Variants in CORO7 observed in about 807,000 individuals in gnomAD.
The protein encoded by CORO7 is coronin 7.
A neutral mutation model predicts 126.6 loss-of-function variants in CORO7; 107 were observed. That is an observed-to-expected ratio of 0.85 (90% CI 0.72 to 0.99). The LOEUF (loss-of-function observed/expected upper bound fraction) is 0.99, where lower values mean the gene tolerates loss of function less well. CORO7 is among the 50% of genes least tolerant of loss of function. CORO7 has a pLI of 0.00. For missense variants in CORO7, 1,314 were observed against 1,255.8 expected, an observed-to-expected ratio of 1.05 and a Z score of -0.70; for synonymous variants, 603 against 536.8, an observed-to-expected ratio of 1.12 and a Z score of -1.70.
rs568943733 is a variant in CORO7, at chr16:4,405,392, C to T, written c.564+99G>A. 12 of 1,372,106 alleles carry T rather than the reference C, an allele frequency of 8.7e-6. No individual in the cohort carries two copies. In the African/African-American group the frequency reaches 1.4e-4, roughly 17 times the overall value. 85.0% of individuals were successfully genotyped at this position (1,372,106 alleles called of 1,614,324 possible). A position where few individuals can be genotyped will look rare whatever the true frequency, so the allele number is the denominator to read the frequency against. ...TGACCATCCTGACCTCAGTGCTCCA[C>T]TGCCTCCTAAACAACAAGCCTGGAA... On this transcript the variant is annotated intron_variant, in intron 6 of 27. Transcript: ENST00000251166.
intron 9 of CORO7, among the ~76,000 whole-genome samples, chr16:4,374,130 C>T (rs985005749): frequency 3.1e-5 from 4 of 127,920 alleles, no homozygotes; most frequent in Non-Finnish European, 6.3e-5. Context: ...GCCCAGTGGG[C>T]GTGTGTCTGG....
intron 3 of CORO7, among the ~76,000 whole-genome samples, chr16:4,410,518 G>A (rs761400300): frequency 1.3e-5 from 2 of 152,202 alleles, no homozygotes; most frequent in Non-Finnish European, 2.9e-5. Context: ...CCTTGCAGGA[G>A]TCTCAGTTTT....
chr16:4,359,311 C>T lies in CORO7; in HGVS notation c.2325G>A (p.Ser775=), dbSNP rs775316162. ...PFFLECNSFT[S]PDPHKGLVLL... is the part of the protein sequence containing the mutation. ...GTGGCCTCACCTTGTGGGGGTCAGG[C>T]GACGTGAAGCTGTTGCACTCCAGGA... The change falls in exon 23 of 28, where the codon TCG becomes TCA. Residue 775 remains serine (S), a synonymous_variant. Coordinates refer to ENST00000251166, the MANE Select transcript of CORO7 (RefSeq NM_024535.5). 78 of 1,607,996 alleles carry T rather than the reference C, an allele frequency of 4.9e-5. No homozygotes were observed. The highest frequency in any genetic ancestry group is 3.8e-4 in the South Asian group (34 of 89,834).
At chr16:4,378,988 T>C (rs2054855564) in intron 9 of CORO7, among the ~76,000 whole-genome samples, 1 of 152,026 alleles carries the variant, frequency 6.6e-6, no homozygotes, top group Non-Finnish European at 1.5e-5. Flanking sequence ...GCTTCTTCCT[T>C]CACCTCGAGC....
At chr16:4,396,994 C>T (rs1330945194) in intron 6 of CORO7, among the ~76,000 whole-genome samples, 7 of 116,708 alleles carry the variant, frequency 6.0e-5, no homozygotes, top group African/African-American at 2.1e-4. Flanking sequence ...CCAGCCTGGG[C>T]AACAGAGTGA....
intron 9 of CORO7, among the ~76,000 whole-genome samples, chr16:4,378,201 A>G (rs1245015295): frequency 6.6e-6 from 1 of 152,178 alleles, no homozygotes; most frequent in Non-Finnish European, 1.5e-5. Flanking sequence ...ACTCAGATGA[A>G]GAAACCGAGG....
rs750054519 is a variant in CORO7 at position 4,358,000 on chromosome 16, A to C, written c.2561T>G (p.Leu854Arg). 1.2e-6 allele frequency: 2 copies of C among 1,611,354 alleles called. No individual in the cohort carries two copies. Among genetic ancestry groups the C allele is most frequent in the African/African-American group, 2.7e-5 (2 of 74,898 alleles). Residue 854 changes from leucine (L) to arginine (R), a missense_variant, in exon 25 of 28, where the codon CTT becomes CGT. Leu to Arg is a moderately radical substitution (Grantham distance 102). Coordinates refer to ENST00000251166, the MANE Select transcript of CORO7 (RefSeq NM_024535.5). ...WLQGANGQPW[L>R]LSLQPPDMSP... ...CATGTCAGGAGGCTGCAGGCTGAGA[A>C]GCCAGGGCTGCCCATTAGCGCCTTG...
chr16:4,388,636 A>G lies in CORO7; in HGVS notation c.616-5T>C. ...GTTCTCATGGGCCTGCGTGCTCTGC[A>G]GGAGGCAAGAGGTGGACCTGAGCCC... On this transcript the variant is annotated splice_polypyrimidine_tract_variant and splice_region_variant and intron_variant, in intron 7 of 27. Coordinates refer to ENST00000251166, the MANE Select transcript of CORO7 (RefSeq NM_024535.5). 6.2e-7 allele frequency: 1 copy of G among 1,609,088 alleles called. No homozygotes were observed. Among genetic ancestry groups the G allele is most frequent in the South Asian group, 1.1e-5 (1 of 90,080 alleles).
chr16:4,363,449 G>GGC (rs2054248798), intron 14 of CORO7, among the ~76,000 whole-genome samples: 1 of 152,066 alleles, frequency 6.6e-6, no homozygotes, highest in Non-Finnish European at 1.5e-5. Flanking sequence ...GTGCGCGCCT[G>GGC]TAATCCCAGC....
chr16:4,386,551 G>A lies in CORO7; in HGVS notation c.785+1435C>T, dbSNP rs146524852. Among the ~76,000 whole-genome samples, 1,179 of 152,298 alleles carry A rather than the reference G, an allele frequency of 7.7e-3. 27 individuals are homozygous for A. The highest frequency in any genetic ancestry group is 0.047 in the East Asian group (245 of 5,182). ...GGGGACATGGGGCCAGATCCTAGAC[G>A]TGGAGTCTGAAGGCCCGGGAGCTCC... On this transcript the variant is annotated intron_variant, in intron 9 of 27. Transcript: ENST00000251166.
chr16:4,377,047 C>T (rs2054758474), intron 9 of CORO7, among the ~76,000 whole-genome samples: 1 of 152,174 alleles, frequency 6.6e-6, no homozygotes, highest in South Asian at 2.1e-4. Flanking sequence ...CCACGAGCAG[C>T]GCCCACTGCA....
chr16:4,382,872 A>G, intron 9 of CORO7: 1 of 1,555,132 alleles, frequency 6.4e-7, no homozygotes, highest in Non-Finnish European at 8.7e-7. Flanking sequence ...GCCTCCAGTC[A>G]CCCCTCCACG....
intron 9 of CORO7, among the ~76,000 whole-genome samples, chr16:4,380,125 G>A (rs2054900329): frequency 6.6e-6 from 1 of 151,090 alleles, no homozygotes; most frequent in Admixed American, 6.6e-5. Context: ...CTGCCCCTGG[G>A]GCTGCCATGT....
chr16:4,361,553 T>G (rs2054181184), intron 16 of CORO7, 84 bp from the exon 17 acceptor site: 1 of 1,480,596 alleles, frequency 6.8e-7, no homozygotes, highest in African/African-American at 1.4e-5. Flanking sequence ...GCAGCATGTC[T>G]GGGAGCCCAC....
In CORO7 at chr16:4,416,491, G is replaced by A. The variant is rs764939128; in HGVS notation, c.28C>T (p.Arg10Trp). The A allele has an allele frequency of 9.5e-6, 15 of 1,579,578 alleles. No homozygotes were observed. In the Admixed American group the frequency reaches 2.3e-4, roughly 24 times the overall value. Reference protein sequence around the residue: MNRFRVSKFRHTEARPPRRE... With the variant: MNRFRVSKFWHTEARPPRRE... The stretch of plus-strand genomic sequence containing the variant: ...CGGGGCGGCCGAGCCTCGGTGTGCC[G>A]GAACTTGGACACCCTGAAGCGGTTC... The change falls in exon 1 of 28, where the codon CGG becomes TGG. Residue 10 changes from arginine (R) to tryptophan (W), a missense_variant. Coordinates refer to ENST00000251166, the MANE Select transcript of CORO7 (RefSeq NM_024535.5).
intron 9 of CORO7, 65 bp downstream of exon 9, chr16:4,387,921 G>A: frequency 1.3e-6 from 2 of 1,591,494 alleles, no homozygotes; most frequent in Non-Finnish European, 1.7e-6. Context: ...GCCGGATCAG[G>A]TGCCCTCACC....
intron 9 of CORO7, among the ~76,000 whole-genome samples, chr16:4,376,359 C>A (rs1216612914): frequency 6.6e-6 from 1 of 152,216 alleles, no homozygotes; most frequent in African/African-American, 2.4e-5. Flanking sequence ...GCTGCCAGGC[C>A]TGACCGGCCA....
chr16:4,387,978 G>A lies in CORO7; in HGVS notation c.785+8C>T, dbSNP rs1325266678. 2 of 1,612,688 alleles carry A rather than the reference G, an allele frequency of 1.2e-6. No individual in the cohort carries two copies. The highest frequency in any genetic ancestry group is 2.7e-5 in the African/African-American group (2 of 74,942). On this transcript the variant is annotated splice_region_variant and intron_variant, in intron 9 of 27. Coordinates refer to ENST00000251166, the MANE Select transcript of CORO7 (RefSeq NM_024535.5). ...CCCCCCAGCCCACCTGCGTGCCGCA[G>A]CTCCTACCCAAGCGAGGTGTCCAAG...
chr16:4,396,321 C>T (rs190555293), intron 6 of CORO7, among the ~76,000 whole-genome samples: 9 of 152,270 alleles, frequency 5.9e-5, no homozygotes, highest in Admixed American at 3.3e-4. Context: ...TCAGGTGATC[C>T]GCCCGCCTCG....
Sources: allele counts gnomAD v4.1 joint callset (sites outside exome capture counted in the v4.1 genomes callset), GRCh38; gene constraint gnomAD v4.1.1; transcripts MANE v1.5; gene names NCBI Gene and HGNC (gene_info 2026-07-23, HGNC 2026-07-21).